ANO3: variants seen among roughly 807,000 people sequenced by gnomAD.
The protein encoded by ANO3 is anoctamin 3.
ANO3 carries 99 observed loss-of-function variants against 144.8 expected under a neutral mutation model. The observed-to-expected ratio is 0.68, with a 90% CI of 0.58 to 0.81. The LOEUF (loss-of-function observed/expected upper bound fraction) is 0.81. ANO3 is among the 30% of genes least tolerant of loss of function. The probability of loss-of-function intolerance (pLI) is 0.00; values close to 1 mark genes in which losing one functional copy is unlikely to be tolerated. For synonymous variants in ANO3, 414 were observed against 392.6 expected (o/e 1.05, Z -0.64); for missense variants, 905 against 1,202.2 (o/e 0.75, Z 3.66).
In ANO3 at chr11:26,263,120, T is replaced by G. The variant is rs527395234; in HGVS notation, c.155-46525T>G. Reference sequence around the variant, plus strand: ...CCAGTGCTTCCTCTCGTTTCCTCCATTATTACTTGTTTCTTTTGATTTCTA... The same window carrying G: ...CCAGTGCTTCCTCTCGTTTCCTCCAGTATTACTTGTTTCTTTTGATTTCTA... On this transcript the variant is annotated intron_variant, in intron 1 of 27. Coordinates refer to the ANO3 transcript ENST00000672621. 3.8e-4 allele frequency among the ~76,000 whole-genome samples: 58 copies of G among 152,312 alleles called. 1 individual carries two copies. In the South Asian group the frequency reaches 0.011, roughly 30 times the overall value.
intron 1 of ANO3, among the ~76,000 whole-genome samples, chr11:26,359,586 C>G (rs1054736652): frequency 6.6e-6 from 1 of 150,792 alleles, no homozygotes; most frequent in Non-Finnish European, 1.5e-5. Context: ...TCTGGTAACT[C>G]TATCCTGCAA....
chr11:26,535,571 C>CTTTTTTTTGTTT (rs1849485838), intron 9 of ANO3, among the ~76,000 whole-genome samples: 1 of 58,570 alleles, frequency 1.7e-5, no homozygotes. Flanking sequence ...AAGACAGCCA[C>CTTTTTTTTGTTT]TTTTTTTTTT....
intron 18 of ANO3, among the ~76,000 whole-genome samples, chr11:26,629,750 G>A (rs1156535515): frequency 6.6e-6 from 1 of 152,092 alleles, no homozygotes; most frequent in African/African-American, 2.4e-5. Flanking sequence ...TCTTGCCTCA[G>A]CCTCCCGAGT....
intron 1 of ANO3, among the ~76,000 whole-genome samples, chr11:26,206,894 G>A (rs187605793): frequency 2.2e-4 from 34 of 152,314 alleles, no homozygotes; most frequent in Non-Finnish European, 4.3e-4. Context: ...AATAGGAAAT[G>A]TAGTACCCAG....
At chr11:26,243,371 T>C (rs1476984964) in intron 1 of ANO3, among the ~76,000 whole-genome samples, 1 of 151,976 alleles carries the variant, frequency 6.6e-6, no homozygotes, top group Non-Finnish European at 1.5e-5. Context: ...CCAGATTATA[T>C]GTTCTTTGCA....
chr11:26,634,939 C>T (rs1210322343), intron 19 of ANO3, 74 bp from the exon 20 acceptor site: 4 of 1,245,868 alleles, frequency 3.2e-6, no homozygotes, highest in East Asian at 2.3e-5. Context: ...CACATGCACT[C>T]GTTGTGATGC....
chr11:26,314,961 T>C (rs1006329826), intron 1 of ANO3, among the ~76,000 whole-genome samples: 20 of 152,170 alleles, frequency 1.3e-4, no homozygotes, highest in Non-Finnish European at 2.9e-4. Context: ...CAGCATTGCA[T>C]AGTTATGTGT....
chr11:26,423,160 T>A (rs1273717731), intron 1 of ANO3, among the ~76,000 whole-genome samples: 1 of 151,914 alleles, frequency 6.6e-6, no homozygotes, highest in Admixed American at 6.6e-5. Flanking sequence ...AAGAAAAATG[T>A]TAAACCCAAG....
chr11:26,305,716 T>C (rs1269940767), upstream of ANO3, among the ~76,000 whole-genome samples: 1 of 152,220 alleles, frequency 6.6e-6, no homozygotes, highest in Admixed American at 6.5e-5. Flanking sequence ...AGTTGAATCA[T>C]TTGGCCAGAT....
At chr11:26,477,748 G>C (rs534106865) in intron 4 of ANO3, among the ~76,000 whole-genome samples, 104 of 152,234 alleles carry the variant, frequency 6.8e-4, no homozygotes, top group African/African-American at 2.0e-3. Flanking sequence ...GGAATATGTA[G>C]AATAGAGTTA....
intron 1 of ANO3, among the ~76,000 whole-genome samples, chr11:26,414,564 GA>G (rs1857520786): frequency 6.6e-6 from 1 of 151,572 alleles, no homozygotes; most frequent in Admixed American, 6.6e-5. Context: ...CACAGGGAGG[GA>G]AACATCACAC....
intron 1 of ANO3, among the ~76,000 whole-genome samples, chr11:26,341,118 CTCTT>C (rs1172833150): frequency 2.0e-5 from 3 of 151,416 alleles, no homozygotes; most frequent in African/African-American, 4.8e-5. Context: ...TCCTTCCTCT[CTCTT>C]TCTTTCTTTT....
intron 1 of ANO3, among the ~76,000 whole-genome samples, chr11:26,326,759 A>T (rs1178965334): frequency 6.6e-6 from 1 of 152,204 alleles, no homozygotes; most frequent in Non-Finnish European, 1.5e-5. Context: ...CCAGTCAGGC[A>T]GAGGCCAAGC....
intron 1 of ANO3, among the ~76,000 whole-genome samples, chr11:26,296,991 C>A (rs1475558964): frequency 6.6e-6 from 1 of 152,038 alleles, no homozygotes; most frequent in Non-Finnish European, 1.5e-5. Flanking sequence ...TTGAGTACCT[C>A]TAGAGACAGG....
intron 12 of ANO3, among the ~76,000 whole-genome samples, chr11:26,549,762 C>T (rs998529151): frequency 2.6e-5 from 4 of 151,836 alleles, no homozygotes; most frequent in Non-Finnish European, 4.4e-5. Context: ...CAGGCAGACA[C>T]GTGTGGCCTG....
At chr11:26,651,614 T>A (rs1424508804) in intron 24 of ANO3, among the ~76,000 whole-genome samples, 3 of 152,154 alleles carry the variant, frequency 2.0e-5, no homozygotes, top group Admixed American at 6.5e-5. Flanking sequence ...TTTACCTTAA[T>A]ATAAATTATT....
intron 1 of ANO3, among the ~76,000 whole-genome samples, chr11:26,199,436 T>A (rs969291225): frequency 5.9e-5 from 9 of 152,154 alleles, no homozygotes; most frequent in African/African-American, 2.2e-4. Flanking sequence ...CCTGTCTGAT[T>A]CAGTTCTATT....
upstream of ANO3, among the ~76,000 whole-genome samples, chr11:26,327,925 C>T (rs1854928466): frequency 6.6e-6 from 1 of 152,194 alleles, no homozygotes; most frequent in African/African-American, 2.4e-5. Context: ...AAGATATGAA[C>T]TGCTGTTTAA....
At chr11:26,392,097 G>A (rs1004449337) in intron 1 of ANO3, among the ~76,000 whole-genome samples, 8 of 151,990 alleles carry the variant, frequency 5.3e-5, no homozygotes, top group African/African-American at 1.7e-4. Context: ...CACACAGCAT[G>A]CCCAAAACTC....
Sources: allele counts gnomAD v4.1 joint callset (sites outside exome capture counted in the v4.1 genomes callset), GRCh38; gene constraint gnomAD v4.1.1; transcripts MANE v1.5; gene names NCBI Gene and HGNC (gene_info 2026-07-23, HGNC 2026-07-21).